UPP1: variants seen among roughly 807,000 people sequenced by gnomAD.
UPP1 encodes uridine phosphorylase 1, also known as UPase 1.
A neutral mutation model predicts 29.6 loss-of-function variants in UPP1; 25 were observed. That is an observed-to-expected ratio of 0.85 (90% CI 0.62 to 1.18). UPP1 has a LOEUF of 1.18. UPP1 is among the 50% of genes most tolerant of loss of function. The probability of loss-of-function intolerance (pLI) is 0.00; values close to 1 mark genes in which losing one functional copy is unlikely to be tolerated. For synonymous variants in UPP1, 165 were observed against 159.8 expected, an observed-to-expected ratio of 1.03 and a Z score of -0.25; for missense variants, 368 against 410.4, an observed-to-expected ratio of 0.90 and a Z score of 0.89.
rs748824244 is a variant in UPP1, at chr7:48,107,534, G to A, written c.793+27G>A. ...TAAGCGGCACTTGATGGGCCTCGGC[G>A]TCCCCTCCTCCCTTCACTTCTGCTC... On this transcript the variant is annotated intron_variant, in intron 8 of 8. Transcript: ENST00000395564. 3.2e-5 allele frequency: 50 copies of A among 1,582,744 alleles called. No individual in the cohort carries two copies. The African/African-American group carries it at 4.4e-4, about 14-fold the overall frequency.
chr7:48,102,820 G>A (rs1792506333), intron 5 of UPP1, among the ~76,000 whole-genome samples: 1 of 152,170 alleles, frequency 6.6e-6, no homozygotes, highest in Admixed American at 6.5e-5. Context: ...AGAGGAAAAG[G>A]CACAGGCAGA....
At chr7:48,089,149 G>C (rs1456598651), upstream of UPP1, 2 of 152,300 alleles carry the variant, frequency 1.3e-5, no homozygotes, top group Non-Finnish European at 2.9e-5. Flanking sequence ...CCCAGGATGC[G>C]GTCAGCTGAG....
rs753688309 is a variant in UPP1, at chr7:48,107,032, A to G, written c.596A>G (p.Glu199Gly). The change falls in exon 7 of 9, where the codon GAG becomes GGG. Residue 199 changes from glutamate (E) to glycine (G), a missense_variant. Coordinates refer to ENST00000395564, the MANE Select transcript of UPP1 (RefSeq NM_003364.4). ...TTGCTGTGTTCTGCAGAGCTGAGCG[A>G]GTTCACCACAGTGGTGGGGAACACC... ...ELLLCSAELS[E>G]FTTVVGNTMC... The G allele has an allele frequency of 6.2e-7, 1 of 1,612,486 alleles. No homozygotes were observed. The highest frequency in any genetic ancestry group is 2.2e-5 in the East Asian group (1 of 44,872).
intron 3 of UPP1, among the ~76,000 whole-genome samples, chr7:48,095,838 G>C (rs1307388409): frequency 1.3e-5 from 2 of 152,062 alleles, no homozygotes; most frequent in Non-Finnish European, 2.9e-5. Flanking sequence ...GTAGAGATGG[G>C]GTTTCACCAT....
rs535451732 is a variant in UPP1, at chr7:48,095,485, T to A, written c.44+658T>A. ...CCCTTGCTCTGGACTCCTGGTCCTT[T>A]GTTCCTCTGTAACTTCCCTGAGACC... On this transcript the variant is annotated intron_variant, in intron 3 of 8. Coordinates refer to ENST00000395564, the MANE Select transcript of UPP1 (RefSeq NM_003364.4). Among the ~76,000 whole-genome samples, 3 of 152,256 alleles carry A rather than the reference T, an allele frequency of 2.0e-5. No individual in the cohort carries two copies. In the South Asian group the frequency reaches 6.2e-4, roughly 32 times the overall value.
At chr7:48,091,431 T>A (rs1392881012) in intron 2 of UPP1, among the ~76,000 whole-genome samples, 4 of 152,064 alleles carry the variant, frequency 2.6e-5, no homozygotes, top group Non-Finnish European at 4.4e-5. Flanking sequence ...GCAGCCCAGG[T>A]AAAACCAGCA....
chr7:48,089,261 CCT>C (rs1791677528), upstream of UPP1: 1 of 152,322 alleles, frequency 6.6e-6, no homozygotes, highest in East Asian at 1.9e-4. Context: ...CAGGTGGTTC[CCT>C]CATTCGAGTG....
At chr7:48,104,659 G>C (rs1792629533) in intron 6 of UPP1, 1 of 152,174 alleles carries the variant, frequency 6.6e-6, no homozygotes, top group Non-Finnish European at 1.5e-5. Context: ...TTGTTATATA[G>C]AGAGATTGAT....
intron 3 of UPP1, among the ~76,000 whole-genome samples, chr7:48,098,961 A>G (rs920682733): frequency 6.6e-6 from 1 of 152,200 alleles, no homozygotes; most frequent in Non-Finnish European, 1.5e-5. Context: ...TTTGTGTGCT[A>G]TCTGTAGTTG....
intron 6 of UPP1, chr7:48,103,903 G>A: frequency 7.8e-7 from 1 of 1,276,494 alleles, no homozygotes; most frequent in Non-Finnish European, 1.0e-6. Context: ...CCTCAACAGG[G>A]ACATTTTTTT....
rs1792315366 is a variant in UPP1, at chr7:48,099,689, T to C, written c.64T>C (p.Leu22=). 1 of 1,613,044 alleles carries C rather than the reference T, an allele frequency of 6.2e-7. No homozygotes were observed. Among genetic ancestry groups the C allele is most frequent in the Admixed American group, 1.7e-5 (1 of 60,006 alleles). ...ESHNDCPVRL[L]NPNIAKMKED... Reference sequence around the variant, plus strand: ...TAACAGTGATTGCCCCGTCAGACTTTTAAATCCAAACATAGCAAAAATGAA... The same window carrying C: ...TAACAGTGATTGCCCCGTCAGACTTCTAAATCCAAACATAGCAAAAATGAA... Residue 22 remains leucine (L), a synonymous_variant, in exon 4 of 9, where the codon TTA becomes CTA. Transcript: ENST00000395564.
intron 6 of UPP1, 34 bp downstream of exon 6, chr7:48,103,445 A>G (rs369132895): frequency 9.6e-6 from 15 of 1,562,894 alleles, no homozygotes; most frequent in African/African-American, 8.1e-5. Context: ...TGCCCTGTGA[A>G]TGGATGAGGG....
intron 6 of UPP1, among the ~76,000 whole-genome samples, chr7:48,104,172 C>T (rs756450077): frequency 1.3e-5 from 2 of 152,012 alleles, no homozygotes; most frequent in African/African-American, 2.4e-5. Flanking sequence ...GAGCCAACAT[C>T]GCGCCACTGC....
At chr7:48,098,953 TG>T (rs1189006371) in intron 3 of UPP1, among the ~76,000 whole-genome samples, 5 of 152,222 alleles carry the variant, frequency 3.3e-5, no homozygotes, top group African/African-American at 1.2e-4. Context: ...CTCACTCATT[TG>T]TGTGCTATCT....
rs1281335356 is a variant in UPP1, at chr7:48,107,394, A to C, written c.680A>C (p.Tyr227Ser). The change falls in exon 8 of 9, where the codon TAC (tyrosine) becomes TCC (serine). Residue 227 changes from tyrosine to serine, a missense_variant. By Grantham distance (144) the Tyr-to-Ser change is moderately radical. Transcript: ENST00000395564. ...QGRLDGALCS[Y>S]TEKDKQAYLE... ...CGTCTGGATGGGGCTCTCTGCTCCT[A>C]CACGGAGAAGGACAAGCAGGCGTAT... The C allele has an allele frequency of 1.9e-6, 3 of 1,613,926 alleles. No individual in the cohort carries two copies. Among genetic ancestry groups the C allele is most frequent in the African/African-American group, 1.3e-5 (1 of 74,916 alleles).
intron 3 of UPP1, among the ~76,000 whole-genome samples, chr7:48,098,624 G>A (rs1792251937): frequency 1.3e-5 from 2 of 152,210 alleles, no homozygotes; most frequent in South Asian, 4.1e-4. Context: ...CAAATCCGTG[G>A]CAGCTGAGAC....
In UPP1 at chr7:48,108,277, C is replaced by T. The variant is rs778576516; in HGVS notation, c.853C>T (p.Arg285Cys). 42 of 1,613,966 alleles carry T rather than the reference C, an allele frequency of 2.6e-5. No homozygotes were observed. The South Asian group carries it at 3.5e-4, about 14-fold the overall frequency. The change falls in exon 9 of 9, where the codon CGC (arginine) becomes TGC (cysteine). Residue 285 changes from arginine to cysteine, a missense_variant. Physicochemically the swap from Arg to Cys is radical, Grantham distance 180 (BLOSUM62 -3). Coordinates refer to ENST00000395564, the MANE Select transcript of UPP1 (RefSeq NM_003364.4). ...GGAAGGGGACCAGATCAGCAGCCCT[C>T]GCAATGTGCTCAGCGAGTACCAGCA... is the stretch of plus-strand genomic sequence containing the variant. The part of the protein sequence containing the change: ...RLEGDQISSP[R>C]NVLSEYQQRP...
intron 6 of UPP1, chr7:48,106,583 A>G: frequency 2.8e-6 from 1 of 353,520 alleles, no homozygotes; most frequent in Non-Finnish European, 5.5e-6. Flanking sequence ...AGTGCTTGGG[A>G]TTACAGGCGT....
intron 3 of UPP1, among the ~76,000 whole-genome samples, chr7:48,099,446 A>G (rs538827338): frequency 3.9e-4 from 60 of 152,306 alleles, no homozygotes; most frequent in African/African-American, 1.2e-3. Flanking sequence ...TTGCCCTCCA[A>G]ACAGAGCCAT....
Sources: gnomAD v4.1 joint callset for allele counts (sites outside exome capture counted in the v4.1 genomes callset) on GRCh38, gnomAD v4.1.1 for gene constraint, MANE v1.5 for transcripts, NCBI Gene and HGNC (gene_info 2026-07-23, HGNC 2026-07-21) for gene names.